The following DCBLD1 variants were observed in gnomAD, a reference collection of about 807,000 sequenced individuals.
DCBLD1 encodes discoidin, CUB and LCCL domain-containing protein 1.
A neutral mutation model predicts 71.5 loss-of-function variants in DCBLD1; 57 were observed. The ratio of observed to expected loss-of-function variants is 0.80; its 90% CI spans 0.64 to 0.99. DCBLD1 has a LOEUF of 0.99. DCBLD1 is among the 50% of genes least tolerant of loss of function. DCBLD1 has a pLI of 0.00. For missense variants in DCBLD1, 891 were observed against 923.5 expected (o/e 0.96, Z 0.46); for synonymous variants, 380 against 363.8 (o/e 1.04, Z -0.51).
At chr6:117,510,794 T>A (rs1300844907) in intron 2 of DCBLD1, among the ~76,000 whole-genome samples, 1 of 152,214 alleles carries the variant, frequency 6.6e-6, no homozygotes, top group Non-Finnish European at 1.5e-5. Context: ...TAAAGAAAGC[T>A]TTGGTTTACA....
chr6:117,540,979 A>C lies in DCBLD1; in HGVS notation c.1311A>C (p.Glu437Asp), dbSNP rs970027695. The change falls in exon 11 of 15, where the codon GAA (glutamate) becomes GAC (aspartate). Residue 437 changes from glutamate (E) to aspartate (D), a missense_variant. Coordinates refer to ENST00000338728, the MANE Select transcript of DCBLD1 (RefSeq NM_001366458.2). ...SQSTSVSTKK[E>D]DETITRPIPS... ...GCACCAGTGTTTCAACTAAGAAAGA[A>C]GATGAGACAATCACAAGGCCCATCC... The C allele has an allele frequency of 1.2e-6, 2 of 1,614,082 alleles. No homozygotes were observed. The highest frequency in any genetic ancestry group is 1.3e-5 in the African/African-American group (1 of 74,938).
intron 3 of DCBLD1, among the ~76,000 whole-genome samples, chr6:117,521,118 T>C (rs1421198622): frequency 6.6e-6 from 1 of 152,270 alleles, no homozygotes; most frequent in African/African-American, 2.4e-5. Flanking sequence ...TGCCACTGGC[T>C]AAATTGTTGA....
intron 12 of DCBLD1, 137 bp downstream of exon 12, chr6:117,543,348 C>A: frequency 1.4e-6 from 1 of 727,524 alleles, no homozygotes; most frequent in Non-Finnish European, 2.4e-6. Flanking sequence ...TTATATTTTA[C>A]AAACAAGTTA....
intron 1 of DCBLD1, among the ~76,000 whole-genome samples, chr6:117,498,409 G>A (rs1480391594): frequency 1.3e-5 from 2 of 152,174 alleles, no homozygotes; most frequent in African/African-American, 2.4e-5. Context: ...AATTACAGTC[G>A]AAAGGAAGGA....
chr6:117,569,039 A>T (rs1779754614), intron 14 of DCBLD1, among the ~76,000 whole-genome samples: 1 of 152,234 alleles, frequency 6.6e-6, no homozygotes, highest in African/African-American at 2.4e-5. Context: ...TATGAATCTC[A>T]ATTCTATAAT....
intron 1 of DCBLD1, 65 bp from the exon 2 acceptor site, chr6:117,503,702 C>G: frequency 6.4e-6 from 10 of 1,559,826 alleles, no homozygotes; most frequent in Non-Finnish European, 8.8e-6. Flanking sequence ...GTATTGGACT[C>G]TCAATCCTCA....
In DCBLD1 at chr6:117,549,160, G is replaced by C; in HGVS notation, c.*721G>C. On this transcript the variant is annotated 3_prime_UTR_variant, in exon 15 of 15. Coordinates refer to ENST00000338728, the MANE Select transcript of DCBLD1 (RefSeq NM_001366458.2). The stretch of plus-strand genomic sequence containing the variant: ...GATGCGAAGAGGTCGGCCCAGCTCC[G>C]GTGACCATGAAGGTGGCACAGGAAT... 1 of 985,450 alleles carries C rather than the reference G, an allele frequency of 1.0e-6. No individual in the cohort carries two copies. The highest frequency in any genetic ancestry group is 1.2e-6 in the Non-Finnish European group (1 of 829,968). The allele number at this position is 985,450 out of a possible 1,614,324, so 61.0% of individuals were successfully genotyped here. A position where few individuals can be genotyped will look rare whatever the true frequency, so the allele number is the denominator to read the frequency against.
intron 1 of DCBLD1, among the ~76,000 whole-genome samples, chr6:117,501,617 G>A (rs372346083): frequency 5.9e-5 from 9 of 152,320 alleles, no homozygotes; most frequent in East Asian, 3.9e-4. Flanking sequence ...ACAGGCATGA[G>A]CCACCACTCC....
At position 117,487,658 on chromosome 6, in the gene DCBLD1, C is replaced by A. The variant is rs138281240; in HGVS notation, c.112+4765C>A. 9.2e-5 allele frequency among the ~76,000 whole-genome samples: 14 copies of A among 152,120 alleles called. No individual in the cohort carries two copies. In the South Asian group the frequency reaches 2.9e-3, roughly 32 times the overall value. On this transcript the variant is annotated intron_variant, in intron 1 of 14. Transcript: ENST00000338728. The stretch of plus-strand genomic sequence containing the variant: ...AAGAAAAGAAATTAAAACCTGGACA[C>A]GGCAAAGTAATGAAATTGTATGTCT...
intron 7 of DCBLD1, among the ~76,000 whole-genome samples, chr6:117,538,244 A>T (rs951522343): frequency 2.0e-5 from 3 of 152,234 alleles, no homozygotes; most frequent in African/African-American, 4.8e-5. Context: ...TGGGGTTCCC[A>T]TCTGATTCTA....
At chr6:117,541,821 A>G (rs1325543380) in intron 11 of DCBLD1, among the ~76,000 whole-genome samples, 1 of 152,172 alleles carries the variant, frequency 6.6e-6, no homozygotes, top group Non-Finnish European at 1.5e-5. Context: ...TCTGTAGCAT[A>G]TATTTTTCAT....
At chr6:117,498,872 T>C (rs1777554242) in intron 1 of DCBLD1, among the ~76,000 whole-genome samples, 1 of 152,192 alleles carries the variant, frequency 6.6e-6, no homozygotes, top group Non-Finnish European at 1.5e-5. Flanking sequence ...AATAAAATTA[T>C]AATTATCTGA....
chr6:117,504,172 G>A (rs1777760239), intron 2 of DCBLD1, among the ~76,000 whole-genome samples, 193 bp downstream of exon 2: 1 of 152,256 alleles, frequency 6.6e-6, no homozygotes, highest in African/African-American at 2.4e-5. Context: ...CTAAGGAGAT[G>A]TGAGCCTTGT....
rs1208595875 is a variant in DCBLD1 at position 117,549,636 on chromosome 6, T to C, written c.*1197T>C. On this transcript the variant is annotated 3_prime_UTR_variant, in exon 15 of 15. Transcript: ENST00000338728. ...AGAATGTATTATAACCCTATTTGTG[T>C]GGTTATTACATCCTGTGAAATGTAT... 1 of 985,252 alleles carries C rather than the reference T, an allele frequency of 1.0e-6. No individual in the cohort carries two copies. Among genetic ancestry groups the C allele is most frequent in the African/African-American group, 1.7e-5 (1 of 57,214 alleles). The allele number at this position is 985,252 out of a possible 1,614,324, so 61.0% of individuals were successfully genotyped here.
At chr6:117,495,993 T>G (rs1326926336) in intron 1 of DCBLD1, among the ~76,000 whole-genome samples, 1 of 152,260 alleles carries the variant, frequency 6.6e-6, no homozygotes, top group African/African-American at 2.4e-5. Flanking sequence ...ACTGATTTAT[T>G]TTAAGTGACA....
At chr6:117,549,912 A>G, downstream of DCBLD1, 1 of 954,380 alleles carries the variant, frequency 1.0e-6, no homozygotes, top group Non-Finnish European at 1.2e-6. Context: ...TTGGTGCCAG[A>G]TTAGGCCAGA....
At chr6:117,569,514 T>A in intron 14 of DCBLD1, 4 of 1,590,226 alleles carry the variant, frequency 2.5e-6, no homozygotes, top group Non-Finnish European at 1.7e-6. Flanking sequence ...GTATACAGTG[T>A]TCAATAGATT....
At chr6:117,553,928 A>G (rs566837117), downstream of DCBLD1, among the ~76,000 whole-genome samples, 27 of 152,302 alleles carry the variant, frequency 1.8e-4, no homozygotes, top group Middle Eastern at 6.8e-3. Flanking sequence ...CTTACTTTCT[A>G]TGACTCCATT....
intron 2 of DCBLD1, among the ~76,000 whole-genome samples, chr6:117,514,186 C>T (rs949559883): frequency 6.6e-6 from 1 of 152,200 alleles, no homozygotes; most frequent in East Asian, 1.9e-4. Flanking sequence ...GACCTTGAGA[C>T]AGGCAATAAT....
Sources: allele counts gnomAD v4.1 joint callset (sites outside exome capture counted in the v4.1 genomes callset), GRCh38; gene constraint gnomAD v4.1.1; transcripts MANE v1.5; gene names NCBI Gene and HGNC (gene_info 2026-07-23, HGNC 2026-07-21).